Variants in GLI2 observed in about 807,000 individuals in gnomAD.
GLI2 encodes the protein GLI family zinc finger 2.
A neutral mutation model predicts 78.9 loss-of-function variants in GLI2; 22 were observed. The observed-to-expected ratio is 0.28, with a 90% confidence interval of 0.20 to 0.40. GLI2 has a LOEUF of 0.40. Ranked by LOEUF, GLI2 falls within the 10% of genes least tolerant of loss-of-function variation. The pLI is 1.00. For synonymous variants in GLI2, 974 were observed against 963.7 expected, an observed-to-expected ratio of 1.01 and a Z score of -0.20; for missense variants, 2,097 against 2,213.2, an observed-to-expected ratio of 0.95 and a Z score of 1.05.
intron 2 of GLI2, among the ~76,000 whole-genome samples, chr2:120,830,979 G>GTC (rs1399876822): frequency 2.2e-5 from 2 of 92,184 alleles, no homozygotes; most frequent in African/African-American, 8.1e-5. Flanking sequence ...ATCTCTCTCT[G>GTC]TCTCTTTTTT....
intron 3 of GLI2, among the ~76,000 whole-genome samples, chr2:120,928,664 G>A (rs1038342130): frequency 6.6e-6 from 1 of 152,218 alleles, no homozygotes. Context: ...TGTGCTCACA[G>A]CATTGTGCCT....
chr2:120,833,272 G>C (rs904870717), intron 2 of GLI2, among the ~76,000 whole-genome samples: 2 of 151,786 alleles, frequency 1.3e-5, no homozygotes, highest in Non-Finnish European at 2.9e-5. Context: ...CAGTATAGCT[G>C]GGGGCCTGGC....
At chr2:120,813,885 T>C (rs1228545535) in intron 2 of GLI2, among the ~76,000 whole-genome samples, 1 of 152,220 alleles carries the variant, frequency 6.6e-6, no homozygotes, top group African/African-American at 2.4e-5. Flanking sequence ...TTAGTTATCA[T>C]TCTTAGAAGC....
intron 2 of GLI2, among the ~76,000 whole-genome samples, chr2:120,909,814 G>A (rs1216073103): frequency 1.3e-5 from 2 of 152,216 alleles, no homozygotes; most frequent in East Asian, 1.9e-4. Flanking sequence ...GCAGTGAGCT[G>A]AGATCACGCC....
At chr2:120,960,871 A>G (rs556990495) in intron 5 of GLI2, among the ~76,000 whole-genome samples, 26 of 152,346 alleles carry the variant, frequency 1.7e-4, no homozygotes, top group African/African-American at 5.3e-4. Context: ...TGGTGGGTGA[A>G]GGCCCATTTC....
At chr2:120,940,501 C>T (rs1243539679) in intron 3 of GLI2, among the ~76,000 whole-genome samples, 1 of 152,168 alleles carries the variant, frequency 6.6e-6, no homozygotes, top group African/African-American at 2.4e-5. Flanking sequence ...CCACCTCCTG[C>T]AGGAAGCCCT....
intron 1 of GLI2, among the ~76,000 whole-genome samples, chr2:120,754,603 C>G (rs1682982573): frequency 6.6e-6 from 1 of 152,190 alleles, no homozygotes; most frequent in Admixed American, 6.5e-5. Context: ...ATAGTTTATT[C>G]ATTTTTATTG....
rs1413963755 is a variant in GLI2 at position 120,988,545 on chromosome 2, G to A, written c.2580G>A (p.Gly860=). The stretch of plus-strand genomic sequence containing the variant: ...CCAGCCAGTGCAGCGGCGGCTCCGG[G>A]CTGCTCAACCTCACGCCGGCGCAGC... ...SEASQCSGGS[G]LLNLTPAQQY... The change falls in exon 14 of 14, where the codon GGG becomes GGA. Residue 860 remains glycine, a synonymous_variant. Transcript: ENST00000361492. The A allele has an allele frequency of 6.6e-7, 1 of 1,504,322 alleles. No homozygotes were observed. The highest frequency in any genetic ancestry group is 2.1e-5 in the Admixed American group (1 of 47,572). The allele number at this position is 1,504,322 out of a possible 1,614,324, so 93.2% of individuals were successfully genotyped here.
At chr2:120,785,624 C>A (rs1490897208) in intron 1 of GLI2, among the ~76,000 whole-genome samples, 1 of 152,186 alleles carries the variant, frequency 6.6e-6, no homozygotes, top group South Asian at 2.1e-4. Context: ...CCCTGCCCTG[C>A]CCCTGCCCCA....
At chr2:120,789,950 A>G (rs10170242) in intron 1 of GLI2, among the ~76,000 whole-genome samples, 50,152 of 152,102 alleles carry the variant, frequency 0.33, 8,619 homozygotes, top group African/African-American at 0.4. Flanking sequence ...GGAGCTAGCC[A>G]GCTCGGGACA....
chr2:120,744,192 A>T (rs1682632603), intron 1 of GLI2, among the ~76,000 whole-genome samples: 1 of 152,222 alleles, frequency 6.6e-6, no homozygotes, highest in Non-Finnish European at 1.5e-5. Context: ...CAAAAAATTG[A>T]GGTCGTTGCA....
In GLI2 at chr2:120,815,523, G is replaced by A. The variant is rs146864227; in HGVS notation, c.148+18055G>A. Among the ~76,000 whole-genome samples the A allele has an allele frequency of 4.2e-4, 64 of 152,326 alleles. No homozygotes were observed. In the East Asian group the frequency reaches 0.011, roughly 26 times the overall value. ...GTGTGTGTGGCTCAGCCGTCTTGCT[G>A]TGGCTCCCAAGTACCACGGGATTGA... On this transcript the variant is annotated intron_variant, in intron 2 of 13. Transcript: ENST00000361492.
chr2:120,784,901 C>A (rs772418549), intron 1 of GLI2, among the ~76,000 whole-genome samples: 1 of 152,192 alleles, frequency 6.6e-6, no homozygotes, highest in Non-Finnish European at 1.5e-5. Flanking sequence ...CTCCCCACCC[C>A]ACACCTGGAC....
chr2:120,791,832 C>A (rs562350534), intron 1 of GLI2, among the ~76,000 whole-genome samples: 1 of 151,970 alleles, frequency 6.6e-6, no homozygotes, highest in Non-Finnish European at 1.5e-5. Flanking sequence ...GCGGTGTGCA[C>A]GTGTGTGTGT....
At chr2:120,797,839 C>T (rs1469685541) in intron 2 of GLI2, among the ~76,000 whole-genome samples, 3 of 152,318 alleles carry the variant, frequency 2.0e-5, no homozygotes, top group African/African-American at 4.8e-5. Flanking sequence ...GCCTCTTGCC[C>T]GCCAAGGACT....
chr2:120,883,984 T>A (rs1677278206), intron 2 of GLI2, among the ~76,000 whole-genome samples: 1 of 152,182 alleles, frequency 6.6e-6, no homozygotes, highest in African/African-American at 2.4e-5. Context: ...TTTGCACCCT[T>A]CCGCAGGCCA....
rs1057124482 is a variant in GLI2 at position 120,935,450 on chromosome 2, G to A, written c.254+7984G>A. ...AGCCTTGGCTCACTGTGATGTAAAC[G>A]GCCCTGAGACCCCATCAGGCAGGCC... On this transcript the variant is annotated intron_variant, in intron 3 of 13. Coordinates refer to ENST00000361492, the MANE Select transcript of GLI2 (RefSeq NM_001374353.1). Among the ~76,000 whole-genome samples, 9 of 152,276 alleles carry A rather than the reference G, an allele frequency of 5.9e-5. No homozygotes were observed. In the South Asian group the frequency reaches 8.3e-4, roughly 14 times the overall value.
At chr2:120,980,843 A>G (rs987214201) in intron 10 of GLI2, among the ~76,000 whole-genome samples, 2 of 152,146 alleles carry the variant, frequency 1.3e-5, no homozygotes, top group African/African-American at 2.4e-5. Context: ...GAGTTTTATA[A>G]TATAGCTCTT....
At chr2:120,939,593 A>G (rs1044274233) in intron 3 of GLI2, among the ~76,000 whole-genome samples, 2 of 151,902 alleles carry the variant, frequency 1.3e-5, no homozygotes, top group Non-Finnish European at 2.9e-5. Flanking sequence ...TTGCTTTCAT[A>G]CTCCACGTTC....
Sources: allele counts gnomAD v4.1 joint callset (sites outside exome capture counted in the v4.1 genomes callset), GRCh38; gene constraint gnomAD v4.1.1; transcripts MANE v1.5; gene names NCBI Gene and HGNC (gene_info 2026-07-23, HGNC 2026-07-21).